SEMA6A: variants seen among roughly 807,000 people sequenced by gnomAD.
SEMA6A encodes semaphorin-6A.
Under a neutral mutation model 96.8 loss-of-function variants are expected in SEMA6A, and 25 were observed. That is an observed-to-expected ratio of 0.26 (90% confidence interval 0.19 to 0.36). SEMA6A has a LOEUF of 0.36. Ranked by LOEUF, SEMA6A falls within the 10% of genes least tolerant of loss-of-function variation. The probability of loss-of-function intolerance (pLI) is 1.00; values close to 1 mark genes in which losing one functional copy is unlikely to be tolerated. For synonymous variants in SEMA6A, 612 were observed against 518.0 expected (o/e 1.18, Z -2.46); for missense variants, 1,363 against 1,323.1 (o/e 1.03, Z -0.47).
chr5:116,549,331 T>G (rs760576397), intron 1 of SEMA6A, among the ~76,000 whole-genome samples: 1 of 152,130 alleles, frequency 6.6e-6, no homozygotes, highest in African/African-American at 2.4e-5. Context: ...ACAGAAGCAC[T>G]GAAGCCTGGA....
intron 1 of SEMA6A, among the ~76,000 whole-genome samples, chr5:116,534,106 T>G (rs774301676): frequency 6.6e-6 from 1 of 152,210 alleles, no homozygotes; most frequent in African/African-American, 2.4e-5. Context: ...TAACCTCTTA[T>G]TCATTCTAAA....
intron 1 of SEMA6A, among the ~76,000 whole-genome samples, chr5:116,563,840 C>A (rs1760917300): frequency 1.3e-5 from 2 of 152,186 alleles, no homozygotes; most frequent in African/African-American, 4.8e-5. Flanking sequence ...TATTTTCTTA[C>A]CCTGCCAAAT....
chr5:116,480,013 A>AAG, intron 12 of SEMA6A, 109 bp downstream of exon 12: 2 of 1,295,346 alleles, frequency 1.5e-6, no homozygotes. Flanking sequence ...ATGAATGCCC[A>AAG]GGATAGCAGA....
At chr5:116,472,954 G>A (rs1463883172) in intron 17 of SEMA6A, 119 bp downstream of exon 17, 4 of 1,519,730 alleles carry the variant, frequency 2.6e-6, no homozygotes, top group Admixed American at 2.2e-5. Flanking sequence ...AAATGATGAG[G>A]ATAAAAAATT....
chr5:116,459,117 C>T (rs1755208051), intron 18 of SEMA6A, among the ~76,000 whole-genome samples: 2 of 152,050 alleles, frequency 1.3e-5, no homozygotes, highest in African/African-American at 4.8e-5. Flanking sequence ...TCAGCTGAAC[C>T]CCACTGTTTT....
At chr5:116,513,139 T>TCA (rs1758498596) in intron 1 of SEMA6A, among the ~76,000 whole-genome samples, 1 of 151,586 alleles carries the variant, frequency 6.6e-6, no homozygotes. Context: ...TTTTTTTTTT[T>TCA]CCCCCGCGAC....
chr5:116,476,485 CA>C (rs1756454737), intron 15 of SEMA6A, among the ~76,000 whole-genome samples: 1 of 152,082 alleles, frequency 6.6e-6, no homozygotes, highest in East Asian at 1.9e-4. Flanking sequence ...CATTAAAAAT[CA>C]AATCCCTCAA....
chr5:116,478,376 T>C, intron 13 of SEMA6A, 166 bp downstream of exon 13: 1 of 816,504 alleles, frequency 1.2e-6, no homozygotes, highest in Non-Finnish European at 1.9e-6. Context: ...ACACACACAT[T>C]GGCAAGGAGA....
Position 116,478,736 on chromosome 5 carries a change from C to A in SEMA6A, c.1251-18G>T, listed in dbSNP as rs747924389. 6.2e-4 allele frequency: 997 copies of A among 1,607,488 alleles called. 17 individuals are homozygous for A. The South Asian group carries it at 0.011, about 17-fold the overall frequency. ...GGCGGTATCTAAAATGACAGGACCA[C>A]ATTTCTTATCTCTTTGTTGGTCTAT... On this transcript the variant is annotated intron_variant, in intron 12 of 18. Transcript: ENST00000343348.
chr5:116,517,179 G>A (rs6860598), intron 1 of SEMA6A, among the ~76,000 whole-genome samples: 28,513 of 151,874 alleles, frequency 0.19, 2,729 homozygotes, highest in East Asian at 0.27. Context: ...TCCCTCTTAG[G>A]ATGAATATTT....
intron 16 of SEMA6A, among the ~76,000 whole-genome samples, chr5:116,474,599 C>G (rs564533170): frequency 6.6e-6 from 1 of 152,002 alleles, no homozygotes; most frequent in African/African-American, 2.4e-5. Context: ...TAACTAATCT[C>G]TAAAAAAGAT....
At chr5:116,562,379 A>G (rs1026000684) in intron 1 of SEMA6A, among the ~76,000 whole-genome samples, 1 of 152,244 alleles carries the variant, frequency 6.6e-6, no homozygotes, top group African/African-American at 2.4e-5. Context: ...ATAAATTGGC[A>G]TTAATATATC....
chr5:116,485,678 G>C (rs1386803256), intron 10 of SEMA6A, among the ~76,000 whole-genome samples: 1 of 152,048 alleles, frequency 6.6e-6, no homozygotes, highest in African/African-American at 2.4e-5. Context: ...CTGTCATTTA[G>C]GCACTCATCA....
intron 18 of SEMA6A, among the ~76,000 whole-genome samples, chr5:116,465,372 A>G (rs1300140881): frequency 6.6e-6 from 1 of 152,242 alleles, no homozygotes; most frequent in Non-Finnish European, 1.5e-5. Context: ...GGAAATTAAA[A>G]TCATAAAAAC....
At chr5:116,451,649 T>C (rs1304790911) in intron 18 of SEMA6A, among the ~76,000 whole-genome samples, 4 of 152,140 alleles carry the variant, frequency 2.6e-5, no homozygotes. Flanking sequence ...GATGGCTGAA[T>C]AAATGGGTTT....
At chr5:116,464,455 A>G (rs1755605045) in intron 18 of SEMA6A, among the ~76,000 whole-genome samples, 1 of 152,212 alleles carries the variant, frequency 6.6e-6, no homozygotes, top group Non-Finnish European at 1.5e-5. Context: ...CCAGTTACTG[A>G]GAGAGAAAAT....
intron 3 of SEMA6A, among the ~76,000 whole-genome samples, chr5:116,501,522 A>G (rs1192540695): frequency 1.3e-5 from 2 of 152,232 alleles, no homozygotes; most frequent in African/African-American, 2.4e-5. Flanking sequence ...CTGCAAAAAT[A>G]CAAATAGGTT....
chr5:116,573,998 AG>A (rs1761356524), intron 1 of SEMA6A, among the ~76,000 whole-genome samples, 186 bp downstream of exon 1: 2 of 151,680 alleles, frequency 1.3e-5, no homozygotes, highest in South Asian at 4.2e-4. Context: ...CAGGGCAGAG[AG>A]GAAAGGCAGG....
At chr5:116,534,545 G>T (rs1759627837) in intron 1 of SEMA6A, among the ~76,000 whole-genome samples, 1 of 152,198 alleles carries the variant, frequency 6.6e-6, no homozygotes, top group Non-Finnish European at 1.5e-5. Context: ...TCAGGTCTTA[G>T]CTTAAATGTT....
Sources: allele counts gnomAD v4.1 joint callset (sites outside exome capture counted in the v4.1 genomes callset), GRCh38; gene constraint gnomAD v4.1.1; transcripts MANE v1.5; gene names NCBI Gene and HGNC (gene_info 2026-07-23, HGNC 2026-07-21).